PRKDC: variants seen among roughly 807,000 people sequenced by gnomAD.
PRKDC encodes DNA-dependent protein kinase catalytic subunit.
Under a neutral mutation model 486.9 loss-of-function variants are expected in PRKDC, and 82 were observed. The observed-to-expected ratio is 0.17, with a 90% CI of 0.14 to 0.20. The LOEUF (loss-of-function observed/expected upper bound fraction) is 0.20, where lower values mean the gene tolerates loss of function less well. PRKDC is among the 10% of genes least tolerant of loss of function. The pLI is 1.00. For synonymous variants in PRKDC, 1,895 were observed against 1,837.0 expected (o/e 1.03, Z -0.81); for missense variants, 4,504 against 5,038.2 (o/e 0.89, Z 3.21).
intron 7 of PRKDC, 63 bp downstream of exon 7, chr8:47,953,557 C>T (rs895977878): frequency 7.2e-7 from 1 of 1,387,920 alleles, no homozygotes; most frequent in African/African-American, 1.4e-5. Flanking sequence ...AAGAAATAAT[C>T]AGGCATTGCT....
At chr8:47,929,296 A>C in intron 18 of PRKDC, 118 bp from the exon 19 acceptor site, 1 of 716,378 alleles carries the variant, frequency 1.4e-6, no homozygotes, top group Non-Finnish European at 2.4e-6. Context: ...CCAACATCTA[A>C]TGAAGACAGG....
intron 54 of PRKDC, among the ~76,000 whole-genome samples, chr8:47,842,149 A>G (rs979289896): frequency 3.3e-5 from 5 of 152,038 alleles, no homozygotes; most frequent in Admixed American, 3.3e-4. Context: ...AGGGATGGGG[A>G]GTGCAGCCCA....
At chr8:47,836,112 C>A (rs1300400811) in intron 58 of PRKDC, among the ~76,000 whole-genome samples, 1 of 152,200 alleles carries the variant, frequency 6.6e-6, no homozygotes, top group Non-Finnish European at 1.5e-5. Flanking sequence ...AACTATAAAT[C>A]CCCATTCCTC....
At chr8:47,792,603 G>T (rs903813860) in intron 74 of PRKDC, among the ~76,000 whole-genome samples, 1 of 152,084 alleles carries the variant, frequency 6.6e-6, no homozygotes, top group Non-Finnish European at 1.5e-5. Context: ...AACTAAAAGA[G>T]TATAACTGGA....
In PRKDC at chr8:47,887,657, A is replaced by G. The variant is rs1366345992; in HGVS notation, c.4462T>C (p.Tyr1488His). 6.2e-7 allele frequency: 1 copy of G among 1,609,754 alleles called. No homozygotes were observed. Among genetic ancestry groups the G allele is most frequent in the African/African-American group, 1.3e-5 (1 of 74,894 alleles). ...TCATCTCCAGGGGCAATGCCTTTAT[A>G]AACCAGGGAAAGAAGTTCTGTGCCA... ...SVGTELLSLV[Y>H]KGIAPGDERQ... Residue 1488 changes from tyrosine to histidine, a missense_variant, in exon 35 of 86, where the codon TAT (tyrosine) becomes CAT (histidine). Tyr to His is a moderately conservative substitution (Grantham distance 83). Around this residue, in one of 6 missense-constraint regions of PRKDC, gnomAD observed 1,969 missense variants for 2,068.9 expected, o/e 0.95. Transcript: ENST00000314191.
chr8:47,807,360 T>G (rs2087235823), intron 68 of PRKDC, 34 bp from the exon 69 acceptor site: 2 of 1,479,916 alleles, frequency 1.4e-6, no homozygotes, highest in Non-Finnish European at 1.8e-6. Context: ...TGTCACAGAC[T>G]CAGGAATAGG....
Position 47,788,916 on chromosome 8 carries a change from T to C in PRKDC, c.10892A>G (p.Lys3631Arg). ...TGTGCCAGTCCATACCTGAATAAACTTCCTTCTAAAGGCCCCCAGGCCTGG... is the reference window on the plus strand; with the variant it reads ...TGTGCCAGTCCATACCTGAATAAACCTCCTTCTAAAGGCCCCCAGGCCTGG... ...KAPGLGAFRR[K>R]FIQTFGKEFD... is the part of the protein sequence containing the mutation. Residue 3631 changes from lysine to arginine, a missense_variant, in exon 76 of 86, where the codon AAG becomes AGG. By Grantham distance (26) the Lys-to-Arg change is conservative. Around this residue, in one of 6 missense-constraint regions of PRKDC, gnomAD observed 706 missense variants for 945.0 expected, o/e 0.75. Transcript: ENST00000314191. 1 of 1,594,178 alleles carries C rather than the reference T, an allele frequency of 6.3e-7. No homozygotes were observed. Among genetic ancestry groups the C allele is most frequent in the Non-Finnish European group, 8.5e-7 (1 of 1,174,184 alleles).
At chr8:47,943,120 T>C (rs2090473205) in intron 10 of PRKDC, 89 bp downstream of exon 10, 2 of 1,417,754 alleles carry the variant, frequency 1.4e-6, no homozygotes, top group Non-Finnish European at 1.9e-6. Flanking sequence ...GATCAACTTG[T>C]ATTTATTTTC....
At position 47,889,141 on chromosome 8, in the gene PRKDC, T is replaced by G; in HGVS notation, c.4153A>C (p.Asn1385His). 6.2e-7 allele frequency: 1 copy of G among 1,614,028 alleles called. No individual in the cohort carries two copies. Among genetic ancestry groups the G allele is most frequent in the Non-Finnish European group, 8.5e-7 (1 of 1,179,904 alleles). ...GCCATAACCTGGACGTCTCCGATGT[T>G]GAAACCTATGCTTGCGGGCTCACAC... ...TLCEPASIGF[N>H]IGDVQVMAHL... is the part of the protein sequence containing the mutation. Residue 1385 changes from asparagine to histidine, a missense_variant, in exon 33 of 86, where the codon AAC (asparagine) becomes CAC (histidine). Physicochemically the swap from Asn to His is moderately conservative, Grantham distance 68 (BLOSUM62 1). This residue lies in a region of PRKDC where 1,969 missense variants were observed against 2,068.9 expected (regional missense o/e 0.95). Transcript: ENST00000314191.
At chr8:47,844,396 A>G (rs1389053326) in intron 54 of PRKDC, among the ~76,000 whole-genome samples, 11 of 152,242 alleles carry the variant, frequency 7.2e-5, no homozygotes, top group Admixed American at 7.2e-4. Context: ...GATTCATAAA[A>G]TAAGTTCTTT....
intron 76 of PRKDC, 44 bp downstream of exon 76, chr8:47,788,862 A>C: frequency 6.7e-7 from 1 of 1,491,816 alleles, no homozygotes; most frequent in South Asian, 1.5e-5. Context: ...ATTGACTGTC[A>C]CAACGACTCT....
chr8:47,870,007 C>T (rs543540438), intron 40 of PRKDC, among the ~76,000 whole-genome samples: 1 of 152,308 alleles, frequency 6.6e-6, no homozygotes, highest in South Asian at 2.1e-4. Flanking sequence ...GCTGCCAGCT[C>T]AACTGCAGTG....
intron 10 of PRKDC, among the ~76,000 whole-genome samples, chr8:47,940,779 A>G (rs1341075598): frequency 1.3e-5 from 2 of 152,246 alleles, no homozygotes; most frequent in Non-Finnish European, 2.9e-5. Context: ...ATTCAACAGT[A>G]GCAGACAGAG....
chr8:47,846,415 C>CA (rs200554979), intron 54 of PRKDC, among the ~76,000 whole-genome samples: 597 of 59,288 alleles, frequency 0.01, 2 homozygotes, highest in South Asian at 0.037. Flanking sequence ...GACTCTGCCT[C>CA]AAAAAAAAAA....
intron 15 of PRKDC, among the ~76,000 whole-genome samples, 200 bp downstream of exon 15, chr8:47,933,765 T>G (rs2090298671): frequency 6.6e-6 from 1 of 152,264 alleles, no homozygotes; most frequent in African/African-American, 2.4e-5. Flanking sequence ...GTTCTATGTC[T>G]GTGTTTCTTT....
intron 64 of PRKDC, among the ~76,000 whole-genome samples, chr8:47,822,386 A>G (rs995044376): frequency 2.0e-5 from 3 of 152,246 alleles, no homozygotes; most frequent in African/African-American, 7.2e-5. Flanking sequence ...AAGACTTTCA[A>G]TCACAATAAC....
chr8:47,899,371 C>T (rs940875905), intron 28 of PRKDC, among the ~76,000 whole-genome samples: 1 of 152,156 alleles, frequency 6.6e-6, no homozygotes, highest in Non-Finnish European at 1.5e-5. Flanking sequence ...AGTTGCCAGG[C>T]GCAGTGGCTC....
intron 54 of PRKDC, among the ~76,000 whole-genome samples, chr8:47,845,209 G>A (rs187343158): frequency 1.9e-4 from 29 of 152,188 alleles, no homozygotes; most frequent in Non-Finnish European, 3.2e-4. Context: ...GCAACACGGT[G>A]AGACTCCACC....
In PRKDC at chr8:47,798,820, T is replaced by C. The variant is rs8178226; in HGVS notation, c.10297+390A>G. Among the ~76,000 whole-genome samples, 282 of 152,268 alleles carry C rather than the reference T, an allele frequency of 1.9e-3. 1 individual carries two copies. The highest frequency in any genetic ancestry group is 6.6e-3 in the African/African-American group (275 of 41,550). On this transcript the variant is annotated intron_variant, in intron 72 of 85. Coordinates refer to ENST00000314191, the MANE Select transcript of PRKDC (RefSeq NM_006904.7). ...AGAGAGGCCATTGTCTCTCTCTTTT[T>C]TTTTTTTGAGATGGAGTCTCGCTCT...
Sources: allele counts gnomAD v4.1 joint callset (sites outside exome capture counted in the v4.1 genomes callset), GRCh38; gene constraint gnomAD v4.1.1; regional missense constraint gnomAD v4.1.1; transcripts MANE v1.5; gene names NCBI Gene and HGNC (gene_info 2026-07-23, HGNC 2026-07-21).